The following VWA8 variants were observed in gnomAD, a reference collection of about 807,000 sequenced individuals.
VWA8 encodes the protein von Willebrand factor A domain-containing protein 8.
VWA8 carries 221 observed loss-of-function variants against 241.5 expected under a neutral mutation model. The observed-to-expected ratio is 0.91, with a 90% CI of 0.82 to 1.02. VWA8 has a LOEUF of 1.02. Ranked by LOEUF, VWA8 falls within the 50% of genes least tolerant of loss-of-function variation. The pLI, the probability that VWA8 is intolerant of heterozygous loss-of-function variation, is 0.00. For missense variants in VWA8, 2,322 were observed against 2,328.7 expected (o/e 1.00, Z 0.06); for synonymous variants, 852 against 827.1 (o/e 1.03, Z -0.52).
chr13:41,924,675 G>C (rs1236461895), intron 2 of VWA8, among the ~76,000 whole-genome samples: 1 of 151,716 alleles, frequency 6.6e-6, no homozygotes, highest in Non-Finnish European at 1.5e-5. Context: ...GAAACACTAT[G>C]ACTTGAGCTG....
chr13:41,591,598 T>C (rs898860856), intron 40 of VWA8, among the ~76,000 whole-genome samples: 2 of 151,776 alleles, frequency 1.3e-5, no homozygotes, highest in African/African-American at 2.4e-5. Flanking sequence ...GAATCTACAA[T>C]GAACTTAAAC....
Position 41,729,652 on chromosome 13 carries a change from A to G in VWA8, c.2528T>C (p.Ile843Thr). 5 of 1,612,590 alleles carry G rather than the reference A, an allele frequency of 3.1e-6. No homozygotes were observed. Among genetic ancestry groups the G allele is most frequent in the Non-Finnish European group, 4.2e-6 (5 of 1,179,342 alleles). Reference sequence around the variant, plus strand: ...TTTGTCAGCCTCATCTACTACCAGAATATGACCCAACTTTACTGCTTTAAC... The same window carrying G: ...TTTGTCAGCCTCATCTACTACCAGAGTATGACCCAACTTTACTGCTTTAAC... ...PLVKAVKLGH[I>T]LVVDEADKAP... Residue 843 changes from isoleucine to threonine, a missense_variant, in exon 23 of 45, where the codon ATT becomes ACT. Physicochemically the swap from Ile to Thr is moderately conservative, Grantham distance 89. Transcript: ENST00000379310.
intron 34 of VWA8, among the ~76,000 whole-genome samples, chr13:41,686,214 T>A (rs532632920): frequency 6.6e-6 from 1 of 152,170 alleles, no homozygotes; most frequent in South Asian, 2.1e-4. Flanking sequence ...AGTTTTATAA[T>A]TATCCTTGAA....
At chr13:41,848,298 T>C (rs1872375710) in intron 12 of VWA8, among the ~76,000 whole-genome samples, 1 of 152,144 alleles carries the variant, frequency 6.6e-6, no homozygotes, top group African/African-American at 2.4e-5. Flanking sequence ...CAGGGAGAGT[T>C]ACTAAAAACA....
chr13:41,795,602 A>G (rs1306004669), intron 17 of VWA8, among the ~76,000 whole-genome samples: 2 of 152,228 alleles, frequency 1.3e-5, no homozygotes, highest in Admixed American at 1.3e-4. Flanking sequence ...TACACCATAG[A>G]ATACTATGTA....
At chr13:41,763,308 AATAGATAGATAGATAGATAGATAG>A (rs542268211) in intron 20 of VWA8, among the ~76,000 whole-genome samples, 3 of 145,774 alleles carry the variant, frequency 2.1e-5, no homozygotes, top group Non-Finnish European at 3.1e-5. Context: ...TAAATAAATA[AATAGATAGATAGATAGATAGATAG>A]ATAGATAGAT....
At chr13:41,722,829 A>T (rs537022013) in intron 24 of VWA8, among the ~76,000 whole-genome samples, 1 of 152,244 alleles carries the variant, frequency 6.6e-6, no homozygotes, top group South Asian at 2.1e-4. Flanking sequence ...TATGGAAGGA[A>T]GAGGCAGGAG....
intron 12 of VWA8, 40 bp downstream of exon 12, chr13:41,865,696 A>G: frequency 6.2e-6 from 10 of 1,607,748 alleles, no homozygotes; most frequent in Middle Eastern, 4.2e-4. Context: ...CTAAGCATAT[A>G]TGCTTATAGT....
chr13:41,799,155 GT>G (rs879517143), intron 17 of VWA8, among the ~76,000 whole-genome samples: 7 of 152,184 alleles, frequency 4.6e-5, no homozygotes, highest in Admixed American at 4.6e-4. Context: ...TCTTCTAAAT[GT>G]TGTATCTGCC....
chr13:41,640,410 A>G (rs983395977), intron 37 of VWA8, among the ~76,000 whole-genome samples: 1 of 152,202 alleles, frequency 6.6e-6, no homozygotes, highest in Admixed American at 6.5e-5. Context: ...ACCAAGATGC[A>G]ATGAAATTTT....
intron 17 of VWA8, among the ~76,000 whole-genome samples, chr13:41,808,473 G>A (rs540442920): frequency 3.3e-5 from 5 of 152,064 alleles, no homozygotes; most frequent in Non-Finnish European, 7.4e-5. Context: ...AGGCAGGGAG[G>A]TACCACAAAC....
At chr13:41,760,899 T>G (rs1367699731) in intron 21 of VWA8, among the ~76,000 whole-genome samples, 1 of 152,050 alleles carries the variant, frequency 6.6e-6, no homozygotes, top group African/African-American at 2.4e-5. Context: ...TTCATCACTC[T>G]CTGTCCACAG....
chr13:41,809,249 GAAAAATAATCCT>G (rs1224693184), intron 17 of VWA8, among the ~76,000 whole-genome samples: 2 of 151,956 alleles, frequency 1.3e-5, no homozygotes, highest in Non-Finnish European at 2.9e-5. Context: ...TACAGAAATA[GAAAAATAATCCT>G]AAAATTTATA....
At chr13:41,774,336 T>A (rs1868487882) in intron 20 of VWA8, among the ~76,000 whole-genome samples, 1 of 152,126 alleles carries the variant, frequency 6.6e-6, no homozygotes. Context: ...AGAGACAGGG[T>A]TTTGCCATGT....
At chr13:41,676,696 G>A (rs373647933) in intron 35 of VWA8, among the ~76,000 whole-genome samples, 5 of 152,218 alleles carry the variant, frequency 3.3e-5, no homozygotes, top group East Asian at 1.9e-4. Context: ...GCAGTGGTGC[G>A]ATCTTGGCTC....
At chr13:41,667,754 A>T (rs1334510488) in intron 37 of VWA8, among the ~76,000 whole-genome samples, 1 of 152,234 alleles carries the variant, frequency 6.6e-6, no homozygotes, top group East Asian at 1.9e-4. Context: ...TATAGCCAGA[A>T]GAATTTTGAC....
intron 40 of VWA8, among the ~76,000 whole-genome samples, chr13:41,601,062 T>A (rs1197184997): frequency 6.6e-6 from 1 of 152,158 alleles, no homozygotes; most frequent in East Asian, 1.9e-4. Context: ...GTGTCATGCA[T>A]CTGTCTGTGC....
intron 2 of VWA8, chr13:41,925,790 T>C: frequency 3.9e-6 from 1 of 253,410 alleles, no homozygotes; most frequent in Non-Finnish European, 8.1e-6. Context: ...GTGGTGTGGG[T>C]ACTGAGGAGA....
intron 21 of VWA8, among the ~76,000 whole-genome samples, chr13:41,755,186 A>C (rs1173399141): frequency 1.3e-5 from 2 of 151,980 alleles, no homozygotes; most frequent in African/African-American, 4.8e-5. Context: ...GGAACCTCCA[A>C]ACTGTTCTCC....
Sources: allele counts gnomAD v4.1 joint callset (sites outside exome capture counted in the v4.1 genomes callset), GRCh38; gene constraint gnomAD v4.1.1; transcripts MANE v1.5; gene names NCBI Gene and HGNC (gene_info 2026-07-23, HGNC 2026-07-21).